WWOX: variants seen among roughly 807,000 people sequenced by gnomAD.
The protein encoded by WWOX is WW domain containing oxidoreductase.
WWOX carries 69 observed loss-of-function variants against 46.2 expected under a neutral mutation model. The observed-to-expected ratio is 1.49, with a 90% confidence interval of 1.23 to 1.82. The LOEUF is 1.82. Ranked by LOEUF, WWOX falls within the 40% of genes most tolerant of loss-of-function variation. WWOX has a pLI of 0.00. For missense variants in WWOX, 919 were observed against 542.6 expected (o/e 1.69, Z -6.89); for synonymous variants, 359 against 202.6 (o/e 1.77, Z -6.56).
At chr16:78,366,782 G>C (rs557181379) in intron 5 of WWOX, among the ~76,000 whole-genome samples, 4 of 152,134 alleles carry the variant, frequency 2.6e-5, no homozygotes, top group African/African-American at 9.6e-5. Flanking sequence ...GTGGTCATTT[G>C]GAAAGAAAAG....
chr16:79,136,303 T>C (rs1597406754), intron 8 of WWOX, among the ~76,000 whole-genome samples: 1 of 151,810 alleles, frequency 6.6e-6, no homozygotes, highest in African/African-American at 2.4e-5. Context: ...CAATCTCGGC[T>C]CACTGCAACA....
At chr16:78,422,770 CACACATATATATAT>C (rs1567563521) in intron 6 of WWOX, among the ~76,000 whole-genome samples, 3 of 115,448 alleles carry the variant, frequency 2.6e-5, no homozygotes, top group African/African-American at 1.6e-4. Context: ...CATATATATA[CACACATATATATAT>C]ACACACACAC....
chr16:78,979,013 A>G (rs1455032188), intron 8 of WWOX, among the ~76,000 whole-genome samples: 1 of 151,792 alleles, frequency 6.6e-6, no homozygotes, highest in African/African-American at 2.4e-5. Flanking sequence ...GAGGACCAGC[A>G]TCGACCTTCA....
chr16:78,513,414 G>C (rs966663372), intron 8 of WWOX, among the ~76,000 whole-genome samples: 1 of 152,180 alleles, frequency 6.6e-6, no homozygotes. Flanking sequence ...GGGGGAATCA[G>C]TGAGGCTAGG....
At chr16:78,920,440 T>C (rs1384237703) in intron 8 of WWOX, among the ~76,000 whole-genome samples, 1 of 152,222 alleles carries the variant, frequency 6.6e-6, no homozygotes, top group Non-Finnish European at 1.5e-5. Context: ...CAGCCACCTA[T>C]GGTTCTTTGG....
intron 8 of WWOX, among the ~76,000 whole-genome samples, chr16:78,504,930 C>T (rs988726452): frequency 2.0e-5 from 3 of 151,988 alleles, no homozygotes; most frequent in South Asian, 2.1e-4. Flanking sequence ...GACTGGGAAA[C>T]GTTGCAGGAC....
chr16:78,709,885 G>A (rs1188053643), intron 8 of WWOX, among the ~76,000 whole-genome samples: 4 of 151,756 alleles, frequency 2.6e-5, no homozygotes, highest in East Asian at 1.9e-4. Context: ...CCCGCCACCC[G>A]ACGCCCAGCT....
intron 8 of WWOX, among the ~76,000 whole-genome samples, chr16:78,589,025 C>T (rs2045289754): frequency 6.6e-6 from 1 of 152,200 alleles, no homozygotes; most frequent in African/African-American, 2.4e-5. Context: ...ACATCTCTTT[C>T]ATCTGCACCA....
At chr16:78,580,050 T>A (rs749576381) in intron 8 of WWOX, among the ~76,000 whole-genome samples, 93 of 151,962 alleles carry the variant, frequency 6.1e-4, no homozygotes, top group Non-Finnish European at 9.3e-4. Flanking sequence ...AAGGGCCATG[T>A]TTGCTGTTTT....
intron 8 of WWOX, among the ~76,000 whole-genome samples, chr16:79,099,573 C>T (rs111225963): frequency 3.1e-4 from 43 of 140,084 alleles, no homozygotes; most frequent in African/African-American, 6.8e-4. Flanking sequence ...ATTGTGTGTG[C>T]GTGTGTGTGT....
chr16:78,195,776 C>T (rs751195792), intron 5 of WWOX, among the ~76,000 whole-genome samples: 2 of 144,188 alleles, frequency 1.4e-5, no homozygotes, highest in Non-Finnish European at 3.0e-5. Context: ...GAGCTGAGAT[C>T]GCACCACTGC....
At chr16:78,314,705 T>TG (rs1555517882) in intron 5 of WWOX, among the ~76,000 whole-genome samples, 1,089 of 67,440 alleles carry the variant, frequency 0.016, 17 homozygotes, top group South Asian at 0.062. Flanking sequence ...TTTTTTGTTT[T>TG]TTTTTTTTTT....
chr16:78,769,687 C>T (rs971278188), intron 8 of WWOX, among the ~76,000 whole-genome samples: 4 of 150,904 alleles, frequency 2.7e-5, no homozygotes, highest in African/African-American at 9.8e-5. Flanking sequence ...TTAGCTACAA[C>T]AGGGTTTTGG....
chr16:78,594,537 G>C lies in WWOX; in HGVS notation c.1056+161785G>C, dbSNP rs564852698. Among the ~76,000 whole-genome samples, 19 of 143,988 alleles carry C rather than the reference G, an allele frequency of 1.3e-4. No homozygotes were observed. The South Asian group carries it at 4.3e-3, about 32-fold the overall frequency. 94.5% of individuals were successfully genotyped at this position (143,988 alleles called of 152,430 possible). A position where few individuals can be genotyped will look rare whatever the true frequency, so the allele number is the denominator to read the frequency against. The stretch of plus-strand genomic sequence containing the variant: ...GCTAGGTACAAATCCCACATGAAAA[G>C]TCTCAATCACCTGGCTCAAACTCAT... On this transcript the variant is annotated intron_variant, in intron 8 of 8. Transcript: ENST00000566780.
chr16:78,556,459 C>A (rs183026626), intron 8 of WWOX, among the ~76,000 whole-genome samples: 1 of 152,034 alleles, frequency 6.6e-6, no homozygotes, highest in Non-Finnish European at 1.5e-5. Context: ...GATGGAGCAC[C>A]CTGTTCCCAT....
intron 8 of WWOX, among the ~76,000 whole-genome samples, chr16:78,812,975 T>C (rs941798625): frequency 1.1e-4 from 16 of 152,198 alleles, no homozygotes; most frequent in African/African-American, 2.9e-4. Context: ...AATTTTGTTA[T>C]GAATCTTTGG....
At position 78,424,894 on chromosome 16, in the gene WWOX, C is replaced by A. The variant is rs547619401; in HGVS notation, c.630C>A (p.Asn210Lys). 1 of 1,613,972 alleles carries A rather than the reference C, an allele frequency of 6.2e-7. No homozygotes were observed. The highest frequency in any genetic ancestry group is 8.5e-7 in the Non-Finnish European group (1 of 1,180,030). ...KNVPLHVLVC[N>K]AATFALPWSL... Reference sequence around the variant, plus strand: ...GGCCTCTTCATGTGCTTGTGTGCAACGCAGCAACTTTTGCTCTACCCTGGA... The same window carrying A: ...GGCCTCTTCATGTGCTTGTGTGCAAAGCAGCAACTTTTGCTCTACCCTGGA... The change falls in exon 7 of 9, where the codon AAC (asparagine) becomes AAA (lysine). Residue 210 changes from asparagine (N) to lysine (K), a missense_variant. Asn to Lys is a moderately conservative substitution (Grantham distance 94, BLOSUM62 0). Coordinates refer to ENST00000566780, the MANE Select transcript of WWOX (RefSeq NM_016373.4).
chr16:78,891,295 G>C (rs2044585295), intron 8 of WWOX: 1 of 152,018 alleles, frequency 6.6e-6, no homozygotes, highest in African/African-American at 2.4e-5. Flanking sequence ...TTCAACTCCT[G>C]GCTTTCTCCT....
chr16:78,820,784 G>C (rs1249837716), intron 8 of WWOX, among the ~76,000 whole-genome samples: 1 of 152,108 alleles, frequency 6.6e-6, no homozygotes, highest in South Asian at 2.1e-4. Flanking sequence ...CAAGGCGTTT[G>C]TGGGGTTCGT....
Sources: allele counts gnomAD v4.1 joint callset (sites outside exome capture counted in the v4.1 genomes callset), GRCh38; gene constraint gnomAD v4.1.1; transcripts MANE v1.5; gene names NCBI Gene and HGNC (gene_info 2026-07-23, HGNC 2026-07-21).